RPS6KC1: variants seen among roughly 807,000 people sequenced by gnomAD.
RPS6KC1 encodes the protein inactive ribosomal protein S6 kinase delta-1.
Under a neutral mutation model 103.8 loss-of-function variants are expected in RPS6KC1, and 54 were observed. The observed-to-expected ratio is 0.52, with a 90% CI of 0.42 to 0.65. The LOEUF (loss-of-function observed/expected upper bound fraction) is 0.65. Among genes scored for constraint, RPS6KC1 ranks in the 30% least tolerant of loss-of-function variants. The pLI is 0.00. For missense variants in RPS6KC1, 1,151 were observed against 1,253.8 expected, an observed-to-expected ratio of 0.92 and a Z score of 1.24; for synonymous variants, 439 against 438.7, an observed-to-expected ratio of 1.00 and a Z score of -0.01.
chr1:213,064,586 T>A lies in RPS6KC1; in HGVS notation c.106-6420T>A, dbSNP rs1382351148. Among the ~76,000 whole-genome samples, 3 of 152,112 alleles carry A rather than the reference T, an allele frequency of 2.0e-5. No individual in the cohort carries two copies. The East Asian group carries it at 5.8e-4, about 29-fold the overall frequency. On this transcript the variant is annotated intron_variant, in intron 1 of 14. Transcript: ENST00000366960. ...TTTCACCATGTTGGTCAGGCTGTTC[T>A]TGAATTCCTGACCTCAGGTGATCCT...
At chr1:213,120,858 G>A (rs1215527671) in intron 5 of RPS6KC1, among the ~76,000 whole-genome samples, 1 of 152,138 alleles carries the variant, frequency 6.6e-6, no homozygotes, top group African/African-American at 2.4e-5. Context: ...TAGAGGTGAA[G>A]TGATCATTAT....
intron 3 of RPS6KC1, among the ~76,000 whole-genome samples, chr1:213,096,001 G>C (rs1043892720): frequency 2.0e-5 from 3 of 152,154 alleles, no homozygotes; most frequent in African/African-American, 7.2e-5. Flanking sequence ...TTTCACAAAA[G>C]ATTTCTCTGT....
At chr1:213,367,050 G>A in the RPS6KC1 span, among the ~76,000 whole-genome samples, 1 of 152,194 alleles carries the variant, frequency 6.6e-6, no homozygotes, top group East Asian at 1.9e-4. Context: ...ATATGACATG[G>A]TTTTGACTTT....
intron 2 of RPS6KC1, among the ~76,000 whole-genome samples, chr1:213,071,892 G>A (rs1344499578): frequency 6.6e-6 from 1 of 150,762 alleles, no homozygotes; most frequent in African/African-American, 2.5e-5. Context: ...TTCTATAATG[G>A]TACCAGCCTG....
At chr1:213,820,432 C>T in the RPS6KC1 span, 1 of 152,218 alleles carries the variant, frequency 6.6e-6, no homozygotes, top group Non-Finnish European at 1.5e-5. Context: ...GGGAACCCAG[C>T]ACTCCACATA....
chr1:213,366,941 C>T, the RPS6KC1 span, among the ~76,000 whole-genome samples: 9 of 152,218 alleles, frequency 5.9e-5, no homozygotes, highest in East Asian at 1.3e-3. Context: ...TTAATCTCTT[C>T]TTCATATGAC....
chr1:213,719,835 G>C, the RPS6KC1 span, among the ~76,000 whole-genome samples: 1 of 152,316 alleles, frequency 6.6e-6, no homozygotes, highest in South Asian at 2.1e-4. Context: ...GTTGGTGATA[G>C]GGAGGAGAGG....
the RPS6KC1 span, among the ~76,000 whole-genome samples, chr1:213,697,237 T>C: frequency 6.6e-6 from 1 of 152,188 alleles, no homozygotes; most frequent in Non-Finnish European, 1.5e-5. Context: ...CAACTGTCTG[T>C]AAGCTATATA....
At chr1:213,622,157 A>G in the RPS6KC1 span, among the ~76,000 whole-genome samples, 1 of 152,042 alleles carries the variant, frequency 6.6e-6, no homozygotes. Flanking sequence ...GCATATTTGT[A>G]CTTCCACCAA....
the RPS6KC1 span, among the ~76,000 whole-genome samples, chr1:213,636,749 G>C: frequency 6.6e-6 from 1 of 152,112 alleles, no homozygotes; most frequent in Admixed American, 6.5e-5. Context: ...GGCAACAAAA[G>C]CCAAAATTGA....
At chr1:213,589,405 C>G in the RPS6KC1 span, among the ~76,000 whole-genome samples, 1 of 151,954 alleles carries the variant, frequency 6.6e-6, no homozygotes, top group Non-Finnish European at 1.5e-5. Flanking sequence ...TTTGGGAGGC[C>G]GAGGTGGGAA....
chr1:213,857,268 G>A, the RPS6KC1 span, among the ~76,000 whole-genome samples: 1 of 152,180 alleles, frequency 6.6e-6, no homozygotes, highest in Non-Finnish European at 1.5e-5. Flanking sequence ...GCCATTTTGA[G>A]CATCTAGGCT....
chr1:213,176,506 G>A lies in RPS6KC1; in HGVS notation c.1044+14G>A. On this transcript the variant is annotated intron_variant, in intron 8 of 14. Coordinates refer to ENST00000366960, the MANE Select transcript of RPS6KC1 (RefSeq NM_012424.6). Reference sequence around the variant, plus strand: ...GTGATTGACAAGGTAATTCTTCAGTGTCTCTTCAAGAGTTCAGTCATAAAT... The same window carrying A: ...GTGATTGACAAGGTAATTCTTCAGTATCTCTTCAAGAGTTCAGTCATAAAT... 1 of 1,536,734 alleles carries A rather than the reference G, an allele frequency of 6.5e-7. No homozygotes were observed. Among genetic ancestry groups the A allele is most frequent in the South Asian group, 1.2e-5 (1 of 86,540 alleles).
At chr1:213,411,028 G>A in the RPS6KC1 span, among the ~76,000 whole-genome samples, 1 of 152,032 alleles carries the variant, frequency 6.6e-6, no homozygotes. Context: ...CAGGATGATG[G>A]CAGGACCAGG....
At chr1:213,522,981 A>G in the RPS6KC1 span, among the ~76,000 whole-genome samples, 2 of 152,246 alleles carry the variant, frequency 1.3e-5, no homozygotes, top group African/African-American at 4.8e-5. Flanking sequence ...AAAGAAACCT[A>G]GCTTTCAGTC....
At chr1:213,849,867 C>T in the RPS6KC1 span, among the ~76,000 whole-genome samples, 5 of 151,954 alleles carry the variant, frequency 3.3e-5, no homozygotes, top group Non-Finnish European at 7.4e-5. Flanking sequence ...AATTACATTA[C>T]TCTGGTGGAC....
At chr1:213,365,463 G>A in the RPS6KC1 span, among the ~76,000 whole-genome samples, 44 of 152,298 alleles carry the variant, frequency 2.9e-4, 1 homozygote, top group East Asian at 8.3e-3. Flanking sequence ...TGCATTGTCT[G>A]TGCTTATTAA....
At chr1:213,117,232 C>A in intron 4 of RPS6KC1, 85 bp from the exon 5 acceptor site, 13 of 684,932 alleles carry the variant, frequency 1.9e-5, no homozygotes, top group Admixed American at 2.5e-5. Flanking sequence ...CATCTTTACA[C>A]ATACTTAATT....
the RPS6KC1 span, among the ~76,000 whole-genome samples, chr1:213,453,237 T>C: frequency 6.6e-6 from 1 of 152,160 alleles, no homozygotes; most frequent in African/African-American, 2.4e-5. Flanking sequence ...GAATATCTTC[T>C]ATACATCAGG....
Sources: gnomAD v4.1 joint callset for allele counts (sites outside exome capture counted in the v4.1 genomes callset) on GRCh38, gnomAD v4.1.1 for gene constraint, MANE v1.5 for transcripts, NCBI Gene and HGNC (gene_info 2026-07-23, HGNC 2026-07-21) for gene names.